GOLGA8B: variants seen among roughly 807,000 people sequenced by gnomAD.
GOLGA8B encodes golgin A8 family member B.
GOLGA8B carries 1 observed loss-of-function variant against 15.6 expected under a neutral mutation model. The ratio of observed to expected loss-of-function variants is 0.06; its 90% CI spans 0.02 to 0.30. GOLGA8B has a LOEUF of 0.30. Ranked by LOEUF, GOLGA8B falls within the 10% of genes least tolerant of loss-of-function variation. The probability of loss-of-function intolerance (pLI) is 1.00; values close to 1 mark genes in which losing one functional copy is unlikely to be tolerated. For missense variants in GOLGA8B, 17 were observed against 201.3 expected, an observed-to-expected ratio of 0.08 and a Z score of 5.54; for synonymous variants, 9 against 80.3, an observed-to-expected ratio of 0.11 and a Z score of 4.75.
At chr15:34,581,935 C>T (rs1889247821) in intron 1 of GOLGA8B, among the ~76,000 whole-genome samples, 1 of 152,234 alleles carries the variant, frequency 6.6e-6, no homozygotes, top group African/African-American at 2.4e-5. Flanking sequence ...CTAGAGCCCA[C>T]CGAGGGCTGC....
intron 4 of GOLGA8B, among the ~76,000 whole-genome samples, chr15:34,548,903 T>C (rs1174314175): frequency 1.1e-4 from 1 of 8,890 alleles, no homozygotes; most frequent in Non-Finnish European, 2.4e-4. Context: ...CCTCCCACCA[T>C]CCATAGTAGC....
At chr15:34,554,654 C>T (rs1210386357) in intron 1 of GOLGA8B, among the ~76,000 whole-genome samples, 1 of 76,388 alleles carries the variant, frequency 1.3e-5, no homozygotes, top group African/African-American at 4.8e-5. Context: ...CCCTCCAGGA[C>T]GTCCCACCAC....
chr15:34,573,093 C>T (rs571829149), intron 1 of GOLGA8B, among the ~76,000 whole-genome samples: 26 of 152,300 alleles, frequency 1.7e-4, no homozygotes, highest in Non-Finnish European at 2.8e-4. Context: ...TCTCAAAATG[C>T]AAAACAAAAA....
chr15:34,573,015 C>A (rs77139108), intron 1 of GOLGA8B, among the ~76,000 whole-genome samples: 4 of 151,772 alleles, frequency 2.6e-5, no homozygotes, highest in African/African-American at 7.3e-5. Flanking sequence ...CTCAGGAGAC[C>A]GAGGCAGGAG....
Position 34,527,151 on chromosome 15 carries a change from G to C in GOLGA8B, c.*481C>G. 3.4e-6 allele frequency: 1 copy of C among 292,526 alleles called. No individual in the cohort carries two copies. The highest frequency in any genetic ancestry group is 6.6e-6 in the Non-Finnish European group (1 of 152,518). 18.1% of individuals were successfully genotyped at this position (292,526 alleles called of 1,614,324 possible). A position where few individuals can be genotyped will look rare whatever the true frequency, so the allele number is the denominator to read the frequency against. Reference sequence around the variant, plus strand: ...AAAGTAATAAACAGTGCACACTTGAGGGCAAACCGCATATTGAGCTATGGA... The same window carrying C: ...AAAGTAATAAACAGTGCACACTTGACGGCAAACCGCATATTGAGCTATGGA... On this transcript the variant is annotated 3_prime_UTR_variant, in exon 24 of 24. Transcript: ENST00000683415.
chr15:34,574,599 C>A (rs903838915), intron 1 of GOLGA8B, among the ~76,000 whole-genome samples: 3 of 152,122 alleles, frequency 2.0e-5, no homozygotes, highest in Non-Finnish European at 2.9e-5. Flanking sequence ...CCACCGTGCC[C>A]AGCCTTCAAA....
intron 1 of GOLGA8B, among the ~76,000 whole-genome samples, chr15:34,554,348 G>C (rs1229008641): frequency 6.6e-6 from 1 of 152,238 alleles, no homozygotes; most frequent in Non-Finnish European, 1.5e-5. Flanking sequence ...ATGTGTGCAT[G>C]TGTGTGCATA....
At chr15:34,571,924 T>A (rs1888925166) in intron 1 of GOLGA8B, among the ~76,000 whole-genome samples, 1 of 151,402 alleles carries the variant, frequency 6.6e-6, no homozygotes, top group Non-Finnish European at 1.5e-5. Flanking sequence ...ATATAGAAAA[T>A]GAGGAATAAC....
intron 1 of GOLGA8B, among the ~76,000 whole-genome samples, chr15:34,554,293 G>A (rs1179856394): frequency 3.3e-5 from 5 of 152,286 alleles, no homozygotes; most frequent in Non-Finnish European, 5.9e-5. Context: ...GCTGATCACC[G>A]CTGCATGTCC....
At chr15:34,574,854 A>G (rs1037380547) in intron 1 of GOLGA8B, 2 of 152,258 alleles carry the variant, frequency 1.3e-5, no homozygotes, top group African/African-American at 4.8e-5. Flanking sequence ...GACGCTTCAC[A>G]TTATCAGGTA....
At chr15:34,582,793 G>A (rs1595714845) in intron 1 of GOLGA8B, 1 of 152,146 alleles carries the variant, frequency 6.6e-6, no homozygotes, top group Non-Finnish European at 1.5e-5. Flanking sequence ...TGGGGACTGG[G>A]GGCCTCGATG....
intron 1 of GOLGA8B, among the ~76,000 whole-genome samples, chr15:34,577,972 T>G (rs757188755): frequency 4.6e-5 from 7 of 152,180 alleles, no homozygotes; most frequent in Non-Finnish European, 8.8e-5. Flanking sequence ...GCAATAGGAA[T>G]TTTTGAGCCC....
intron 1 of GOLGA8B, among the ~76,000 whole-genome samples, chr15:34,571,618 A>T (rs1447479670): frequency 7.3e-6 from 1 of 136,706 alleles, no homozygotes; most frequent in Non-Finnish European, 1.6e-5. Flanking sequence ...AATCGTATAA[A>T]AAAAAAAAAA....
In GOLGA8B at chr15:34,583,046, TC is replaced by T. The variant is rs754160763; in HGVS notation, c.-1123+469del. Among the ~76,000 whole-genome samples the T allele has an allele frequency of 3.9e-5, 6 of 152,240 alleles. No individual in the cohort carries two copies. The South Asian group carries it at 6.2e-4, about 16-fold the overall frequency. The stretch of plus-strand genomic sequence containing the variant: ...GGGGCGAAGATCCGGGCTCGGGTTC[TC>T]CCGGGGAAGCGAACCCAGAGGCGAC... On this transcript the variant is annotated intron_variant, in intron 1 of 23. Coordinates refer to ENST00000683415, the MANE Select transcript of GOLGA8B (RefSeq NM_001023567.5).
At chr15:34,569,842 T>G (rs1309800337) in intron 1 of GOLGA8B, among the ~76,000 whole-genome samples, 1 of 151,088 alleles carries the variant, frequency 6.6e-6, no homozygotes, top group Non-Finnish European at 1.5e-5. Context: ...AGGTCAAGGC[T>G]AGAACATAAA....
At chr15:34,567,839 C>T (rs76906643) in intron 1 of GOLGA8B, among the ~76,000 whole-genome samples, 16,815 of 151,650 alleles carry the variant, frequency 0.11, 912 homozygotes, top group Admixed American at 0.25. Context: ...CACTGGACTT[C>T]TCATCATGCC....
chr15:34,548,743 A>G, intron 4 of GOLGA8B, among the ~76,000 whole-genome samples: 1 of 30,062 alleles, frequency 3.3e-5, no homozygotes, highest in Non-Finnish European at 6.5e-5. Context: ...TATGACTCCC[A>G]TCCCCCACTC....
rs1334649910 is a variant in GOLGA8B, at chr15:34,562,680, C to A, written c.-1122-8724G>T. On this transcript the variant is annotated intron_variant, in intron 1 of 23. Transcript: ENST00000683415. The stretch of plus-strand genomic sequence containing the variant: ...TTCTATGTTGCTCATCATTTGTCAT[C>A]TTTTTTAAAATGCCCCCTTTTGTTC... Among the ~76,000 whole-genome samples the A allele has an allele frequency of 7.4e-5, 9 of 121,142 alleles. 1 individual carries two copies. Among genetic ancestry groups the A allele is most frequent in the Non-Finnish European group, 9.6e-5 (5 of 52,284 alleles). 79.5% of individuals were successfully genotyped at this position (121,142 alleles called of 152,430 possible). A position where few individuals can be genotyped will look rare whatever the true frequency, so the allele number is the denominator to read the frequency against.
chr15:34,572,034 A>C (rs71464878), intron 1 of GOLGA8B, among the ~76,000 whole-genome samples: 17,220 of 152,266 alleles, frequency 0.11, 1,020 homozygotes, highest in East Asian at 0.26. Context: ...GAGAAATTCA[A>C]ATTAGTATTA....
Sources: allele counts gnomAD v4.1 joint callset (sites outside exome capture counted in the v4.1 genomes callset), GRCh38; gene constraint gnomAD v4.1.1; transcripts MANE v1.5; gene names NCBI Gene and HGNC (gene_info 2026-07-23, HGNC 2026-07-21).